Variants in C5orf15 observed in about 807,000 individuals in gnomAD.
C5orf15 encodes the protein chromosome 5 open reading frame 15.
Under a neutral mutation model 17.8 loss-of-function variants are expected in C5orf15, and 10 were observed. The ratio of observed to expected loss-of-function variants is 0.56; its 90% confidence interval spans 0.35 to 0.95. The LOEUF (loss-of-function observed/expected upper bound fraction) is 0.95, where lower values mean the gene tolerates loss of function less well. C5orf15 is among the 40% of genes least tolerant of loss of function. C5orf15 has a pLI of 0.02. For missense variants in C5orf15, 319 were observed against 331.7 expected (o/e 0.96, Z 0.30); for synonymous variants, 124 against 131.0 (o/e 0.95, Z 0.36).
chr5:133,963,009 T>G (rs977977347), intron 1 of C5orf15, among the ~76,000 whole-genome samples: 2 of 152,200 alleles, frequency 1.3e-5, no homozygotes, highest in Admixed American at 1.3e-4. Flanking sequence ...TATTAATAAA[T>G]CAAGCTCTCT....
chr5:133,959,722 G>A lies in C5orf15; in HGVS notation c.438C>T (p.Gly146=), dbSNP rs1313391551. ...PSTAKDTLDN[G]DYGEPDYDWT... is the part of the protein sequence containing the mutation. ...AGTCATAGTCTGGTTCTCCATAATC[G>A]CCATTGTCTAGAGTGTCTTTGGCTG... The change falls in exon 2 of 3, where the codon GGC becomes GGT. Residue 146 remains glycine (G), a synonymous_variant. Coordinates refer to ENST00000231512, the MANE Select transcript of C5orf15 (RefSeq NM_020199.3). 3.1e-6 allele frequency: 5 copies of A among 1,613,662 alleles called. No individual in the cohort carries two copies. The highest frequency in any genetic ancestry group is 3.3e-5 in the Admixed American group (2 of 59,954).
rs545342538 is a variant in C5orf15, at chr5:133,959,617, T to C, written c.543A>G (p.Ser181=). ...AGGATGGCATCTTAAAAGATTTCAC[T>C]GACTGTTCAATTTCCATGTAACCCC... The part of the protein sequence containing the change: ...ENRGYMEIEQ[S]VKSFKMPSSN... The change falls in exon 2 of 3, where the codon TCA becomes TCG. Residue 181 remains serine (S), a synonymous_variant. Transcript: ENST00000231512. 3.7e-6 allele frequency: 6 copies of C among 1,613,266 alleles called. No individual in the cohort carries two copies. The South Asian group carries it at 6.6e-5, about 18-fold the overall frequency.
intron 1 of C5orf15, among the ~76,000 whole-genome samples, chr5:133,961,563 A>AC (rs151192643): frequency 2.0e-5 from 3 of 149,402 alleles, no homozygotes; most frequent in Non-Finnish European, 4.4e-5. Flanking sequence ...AAAAAAAAAA[A>AC]CCAATAAATT....
chr5:133,958,237 GA>G (rs1258111328), intron 2 of C5orf15, among the ~76,000 whole-genome samples: 1 of 151,684 alleles, frequency 6.6e-6, no homozygotes, highest in African/African-American at 2.4e-5. Context: ...TGTTTTTAAA[GA>G]ATATTAAGGA....
intron 1 of C5orf15, among the ~76,000 whole-genome samples, chr5:133,962,511 T>A (rs1025139421): frequency 6.6e-6 from 1 of 152,238 alleles, no homozygotes; most frequent in African/African-American, 2.4e-5. Context: ...TATAATGCAC[T>A]AACTTACTTT....
At chr5:133,968,221 C>T (rs573529132) in intron 1 of C5orf15, among the ~76,000 whole-genome samples, 8 of 152,196 alleles carry the variant, frequency 5.3e-5, no homozygotes, top group African/African-American at 1.7e-4. Context: ...TGGGTTCCTG[C>T]ATCTCTCAGG....
At chr5:133,967,877 T>C (rs1752218738) in intron 1 of C5orf15, among the ~76,000 whole-genome samples, 1 of 152,174 alleles carries the variant, frequency 6.6e-6, no homozygotes. Flanking sequence ...AATATTCCAT[T>C]GGTTCAGTCC....
At chr5:133,958,350 G>A (rs1752066718) in intron 2 of C5orf15, among the ~76,000 whole-genome samples, 1 of 152,118 alleles carries the variant, frequency 6.6e-6, no homozygotes, top group African/African-American at 2.4e-5. Context: ...GCTGAAGTGG[G>A]TGGATCACTT....
Position 133,960,455 on chromosome 5 carries a change from C to T in C5orf15, c.140-435G>A, listed in dbSNP as rs1484926138. Among the ~76,000 whole-genome samples, 4 of 152,074 alleles carry T rather than the reference C, an allele frequency of 2.6e-5. No homozygotes were observed. In the South Asian group the frequency reaches 8.3e-4, roughly 32 times the overall value. ...GGCTGATTCTCACTCAAGTAGGTCC[C>T]AAAAAAGATATGGAGTTTGGACCTA... On this transcript the variant is annotated intron_variant, in intron 1 of 2. Transcript: ENST00000231512.
rs920681207 is a variant in C5orf15 at position 133,966,747 on chromosome 5, T to C, written c.139+1699A>G. The stretch of plus-strand genomic sequence containing the variant: ...AAGGTATGCTTACAAAAAATACTTA[T>C]ATCCCAAGCTACACTGTAGTGCAGT... On this transcript the variant is annotated intron_variant, in intron 1 of 2. Coordinates refer to ENST00000231512, the MANE Select transcript of C5orf15 (RefSeq NM_020199.3). Among the ~76,000 whole-genome samples the C allele has an allele frequency of 2.0e-4, 31 of 152,220 alleles. 1 individual carries two copies. The highest frequency in any genetic ancestry group is 9.6e-5 in the African/African-American group (4 of 41,478).
Position 133,959,908 on chromosome 5 carries a change from G to A in C5orf15, c.252C>T (p.Ile84=), listed in dbSNP as rs1221268627. 1.2e-6 allele frequency: 2 copies of A among 1,613,968 alleles called. No homozygotes were observed. Among genetic ancestry groups the A allele is most frequent in the Admixed American group, 3.3e-5 (2 of 60,002 alleles). ...TCGTCGTGGGAGGGAGGGTGGTGCT[G>A]ATTTGGGAAATAGAAGGTTTGGTTT... ...ENQTKPSISQ[I]STTLPPTTST... Residue 84 remains isoleucine (I), a synonymous_variant, in exon 2 of 3, where the codon ATC becomes ATT. Coordinates refer to ENST00000231512, the MANE Select transcript of C5orf15 (RefSeq NM_020199.3).
intron 2 of C5orf15, 48 bp downstream of exon 2, chr5:133,959,446 A>AAGC (rs750328228): frequency 5.4e-6 from 6 of 1,119,542 alleles, no homozygotes; most frequent in Non-Finnish European, 7.4e-6. Context: ...GAATCATCAA[A>AAGC]AGCATTATGA....
chr5:133,960,112 C>A, intron 1 of C5orf15, 92 bp from the exon 2 acceptor site: 1 of 1,045,166 alleles, frequency 9.6e-7, no homozygotes, highest in East Asian at 2.5e-5. Flanking sequence ...CTAAGCATTT[C>A]TCTCTGCTAC....
chr5:133,959,994 G>A lies in C5orf15; in HGVS notation c.166C>T (p.Pro56Ser), dbSNP rs371520792. Residue 56 changes from proline to serine, a missense_variant, in exon 2 of 3, where the codon CCA becomes TCA. Pro to Ser is a moderately conservative substitution (Grantham distance 74). Transcript: ENST00000231512. ...SVVSRTDSPSPTVLNSHISTP... is the reference protein window; with the variant it reads ...SVVSRTDSPSSTVLNSHISTP... ...GAAATATGTGAGTTGAGTACGGTTG[G>A]GCTCGGTGAATCAGTCCGTGATACA... 3 of 1,610,274 alleles carry A rather than the reference G, an allele frequency of 1.9e-6. No individual in the cohort carries two copies. Among genetic ancestry groups the A allele is most frequent in the Middle Eastern group, 1.6e-4 (1 of 6,070 alleles).
Position 133,968,547 on chromosome 5 carries a change from G to GC in C5orf15, c.37dup (p.Ala13GlyfsTer40). On this transcript the variant is annotated frameshift_variant, in exon 1 of 3. Transcript: ENST00000231512. LOFTEE classifies it high-confidence loss of function. ...CGACCCGGGCAGCAGTTTCGCTTGTGCTGGCCCCCTCATCCTCTTCGGGAC... is the reference window on the plus strand; with the variant it reads ...CGACCCGGGCAGCAGTTTCGCTTGTGCCTGGCCCCCTCATCCTCTTCGGGAC... 8 of 1,609,854 alleles carry GC rather than the reference G, an allele frequency of 5.0e-6. No homozygotes were observed. Among genetic ancestry groups the GC allele is most frequent in the Non-Finnish European group, 6.8e-6 (8 of 1,178,644 alleles).
At chr5:133,967,510 T>A (rs1198808205) in intron 1 of C5orf15, 1 of 152,214 alleles carries the variant, frequency 6.6e-6, no homozygotes, top group African/African-American at 2.4e-5. Context: ...TCCTTACAAG[T>A]TCTTAATAGT....
intron 1 of C5orf15, 93 bp downstream of exon 1, chr5:133,968,353 C>T: frequency 1.3e-6 from 2 of 1,506,940 alleles, no homozygotes; most frequent in South Asian, 2.5e-5. Context: ...GCTCCTGACA[C>T]TTGGAAGCGC....
chr5:133,967,551 T>C (rs1202976697), intron 1 of C5orf15: 2 of 152,316 alleles, frequency 1.3e-5, no homozygotes, highest in East Asian at 3.9e-4. Flanking sequence ...CAGGCACTGG[T>C]TTACAGATTT....
intron 2 of C5orf15, 28 bp downstream of exon 2, chr5:133,959,466 T>C (rs772439521): frequency 2.9e-6 from 2 of 699,734 alleles, no homozygotes; most frequent in Non-Finnish European, 3.8e-6. Flanking sequence ...ACTGAAATAA[T>C]AAAGGGCTAA....
Sources: gnomAD v4.1 joint callset for allele counts (sites outside exome capture counted in the v4.1 genomes callset) on GRCh38, gnomAD v4.1.1 for gene constraint, MANE v1.5 for transcripts, NCBI Gene and HGNC (gene_info 2026-07-23, HGNC 2026-07-21) for gene names.